Variants in ZFHX3 observed in about 807,000 individuals in gnomAD.
ZFHX3 encodes zinc finger homeobox 3, also known as zinc finger homeobox protein 3.
Under a neutral mutation model 279.1 loss-of-function variants are expected in ZFHX3, and 42 were observed. That is an observed-to-expected ratio of 0.15 (90% confidence interval 0.12 to 0.19). ZFHX3 has a LOEUF of 0.19. Among genes scored for constraint, ZFHX3 ranks in the 10% least tolerant of loss-of-function variants. The pLI, the probability that ZFHX3 is intolerant of heterozygous loss-of-function variation, is 1.00. For synonymous variants in ZFHX3, 2,293 were observed against 1,957.8 expected (o/e 1.17, Z -4.52); for missense variants, 4,981 against 4,754.0 (o/e 1.05, Z -1.40).
intron 4 of ZFHX3, among the ~76,000 whole-genome samples, chr16:73,265,510 C>T (rs1321945574): frequency 6.6e-6 from 1 of 152,074 alleles, no homozygotes; most frequent in African/African-American, 2.4e-5. Context: ...AATTTTCTAC[C>T]CAGGACTCTT....
intron 2 of ZFHX3, among the ~76,000 whole-genome samples, chr16:73,559,865 C>T (rs1292347978): frequency 2.6e-5 from 4 of 152,194 alleles, no homozygotes; most frequent in East Asian, 1.9e-4. Context: ...CATCTGCAAA[C>T]GTGTCAGGCC....
intron 5 of ZFHX3, among the ~76,000 whole-genome samples, chr16:73,191,067 G>A (rs1208858201): frequency 6.6e-6 from 1 of 152,112 alleles, no homozygotes; most frequent in East Asian, 1.9e-4. Flanking sequence ...GCTGTGTGGT[G>A]GCTCTGCCCA....
At chr16:73,056,655 T>C (rs1965563149) in intron 1 of ZFHX3, among the ~76,000 whole-genome samples, 1 of 152,206 alleles carries the variant, frequency 6.6e-6, no homozygotes, top group Admixed American at 6.5e-5. Flanking sequence ...ATTCTGGTTG[T>C]TCTCCCTCTA....
chr16:73,010,649 G>T (rs1455965929), intron 1 of ZFHX3, among the ~76,000 whole-genome samples: 1 of 152,020 alleles, frequency 6.6e-6, no homozygotes, highest in Non-Finnish European at 1.5e-5. Flanking sequence ...TAAAAGGACC[G>T]AGCTGGCAGC....
chr16:73,054,979 G>A (rs952050625), intron 1 of ZFHX3, among the ~76,000 whole-genome samples: 6 of 150,822 alleles, frequency 4.0e-5, no homozygotes, highest in Non-Finnish European at 8.8e-5. Flanking sequence ...TTTAATAAAA[G>A]AACCTATACA....
intron 2 of ZFHX3, among the ~76,000 whole-genome samples, chr16:73,595,446 T>A (rs2052038887): frequency 1.3e-5 from 2 of 152,164 alleles, no homozygotes; most frequent in Non-Finnish European, 2.9e-5. Flanking sequence ...TTCCCTTGGC[T>A]TCCATGACTC....
intron 3 of ZFHX3, among the ~76,000 whole-genome samples, chr16:72,931,814 T>C (rs1416010220): frequency 1.3e-5 from 2 of 152,168 alleles, no homozygotes; most frequent in Non-Finnish European, 2.9e-5. Context: ...TGAACTCACT[T>C]ATGCAACGAG....
rs1406599164 is a variant in ZFHX3 at position 72,811,682 on chromosome 16, G to A, written c.3759C>T (p.Arg1253=). 3 of 1,614,110 alleles carry A rather than the reference G, an allele frequency of 1.9e-6. No homozygotes were observed. Among genetic ancestry groups the A allele is most frequent in the Middle Eastern group, 1.7e-4 (1 of 6,004 alleles). Residue 1253 remains arginine, a synonymous_variant, in exon 7 of 10, where the codon CGC becomes CGT. Transcript: ENST00000268489. The part of the protein sequence containing the change: ...MTQHSVQPML[R]CPLCQDMLNN... ...TGAGCATGTCCTGGCACAGGGGGCAGCGAAGCATGGGTTGCACCGAGTGCT... is the reference window on the plus strand; with the variant it reads ...TGAGCATGTCCTGGCACAGGGGGCAACGAAGCATGGGTTGCACCGAGTGCT...
intron 5 of ZFHX3, among the ~76,000 whole-genome samples, chr16:73,214,255 C>A (rs919796631): frequency 1.3e-5 from 2 of 152,196 alleles, no homozygotes; most frequent in African/African-American, 4.8e-5. Context: ...AGCTTACACA[C>A]AGTTCAGGCT....
Position 72,958,571 on chromosome 16 carries a change from G to C in ZFHX3, c.1575C>G (p.Leu525=). ...GGGAGTTAGAAATGCTTTGGTTTGA[G>C]AGAGCAAGGTCCTTTTTGCTGCTAC... ...AGSSSKKDLA[L]SNQSISNSPL... is the part of the protein sequence containing the mutation. The change falls in exon 2 of 10, where the codon CTC becomes CTG. Residue 525 remains leucine, a synonymous_variant. Coordinates refer to ENST00000268489, the MANE Select transcript of ZFHX3 (RefSeq NM_006885.4). 1 of 1,614,158 alleles carries C rather than the reference G, an allele frequency of 6.2e-7. No individual in the cohort carries two copies. Among genetic ancestry groups the C allele is most frequent in the Non-Finnish European group, 8.5e-7 (1 of 1,180,046 alleles).
intron 9 of ZFHX3, chr16:72,791,722 A>AGTTT (rs906263398): frequency 1.3e-5 from 2 of 152,076 alleles, no homozygotes; most frequent in African/African-American, 4.8e-5. Flanking sequence ...TATTTTCCAT[A>AGTTT]GTTTGTTTTC....
chr16:73,141,362 A>G (rs749765559), intron 6 of ZFHX3, among the ~76,000 whole-genome samples: 7 of 151,850 alleles, frequency 4.6e-5, no homozygotes, highest in Non-Finnish European at 7.4e-5. Flanking sequence ...TTGACTGATC[A>G]CTTTGTGCCA....
chr16:73,167,870 C>T (rs904509838), intron 5 of ZFHX3, among the ~76,000 whole-genome samples: 1 of 152,222 alleles, frequency 6.6e-6, no homozygotes, highest in African/African-American at 2.4e-5. Flanking sequence ...CATTCATCCC[C>T]AGTCTAATGT....
At chr16:73,392,115 T>C (rs111276335) in intron 3 of ZFHX3, among the ~76,000 whole-genome samples, 1 of 151,780 alleles carries the variant, frequency 6.6e-6, no homozygotes, top group African/African-American at 2.4e-5. Context: ...TGCCTAGAAA[T>C]AAAAATCAAG....
chr16:73,802,351 T>C (rs1018481641), intron 1 of ZFHX3, among the ~76,000 whole-genome samples: 3 of 152,238 alleles, frequency 2.0e-5, no homozygotes, highest in African/African-American at 7.2e-5. Flanking sequence ...TGCCAAACTC[T>C]AGATAATTTG....
At chr16:73,538,134 G>A (rs146307545) in intron 2 of ZFHX3, among the ~76,000 whole-genome samples, 47 of 152,198 alleles carry the variant, frequency 3.1e-4, no homozygotes, top group African/African-American at 1.1e-3. Flanking sequence ...AAGTCATCAC[G>A]CAGCACCTCA....
At chr16:73,209,928 A>G (rs1242630559) in intron 5 of ZFHX3, among the ~76,000 whole-genome samples, 1 of 152,216 alleles carries the variant, frequency 6.6e-6, no homozygotes, top group African/African-American at 2.4e-5. Flanking sequence ...TTTCAGGGTC[A>G]TGGGTCCCCA....
chr16:73,677,593 A>G (rs1255648208), intron 2 of ZFHX3, among the ~76,000 whole-genome samples: 1 of 151,988 alleles, frequency 6.6e-6, no homozygotes, highest in Non-Finnish European at 1.5e-5. Flanking sequence ...AAAGTGATTT[A>G]ACAATAGATT....
At chr16:73,191,685 C>A (rs1230121854) in intron 5 of ZFHX3, among the ~76,000 whole-genome samples, 1 of 152,136 alleles carries the variant, frequency 6.6e-6, no homozygotes, top group African/African-American at 2.4e-5. Flanking sequence ...GGTCCCCTCT[C>A]ACCCACGGCT....
Sources: allele counts gnomAD v4.1 joint callset (sites outside exome capture counted in the v4.1 genomes callset), GRCh38; gene constraint gnomAD v4.1.1; transcripts MANE v1.5; gene names NCBI Gene and HGNC (gene_info 2026-07-23, HGNC 2026-07-21).